The following STX4 variants were observed in gnomAD, a reference collection of about 807,000 sequenced individuals.
The protein encoded by STX4 is syntaxin 4.
A neutral mutation model predicts 41.8 loss-of-function variants in STX4; 24 were observed. The ratio of observed to expected loss-of-function variants is 0.57; its 90% CI spans 0.42 to 0.81. STX4 has a LOEUF of 0.81. Ranked by LOEUF, STX4 falls within the 30% of genes least tolerant of loss-of-function variation. The pLI, the probability that STX4 is intolerant of heterozygous loss-of-function variation, is 0.00. For missense variants in STX4, 316 were observed against 389.9 expected (o/e 0.81, Z 1.60); for synonymous variants, 158 against 156.4 (o/e 1.01, Z -0.08).
Position 31,033,835 on chromosome 16 carries a change from G to A in STX4, c.30G>A (p.Gln10=). MRDRTHELR[Q]GDDSSDEEDK... ...GGGACAGGACCCACGAGCTGAGACA[G>A]GTGAGACGCCAGGGCAGCGGGGATG... The change falls in exon 1 of 11, where the codon CAG becomes CAA. Residue 10 remains glutamine (Q), a splice_region_variant and synonymous_variant. Coordinates refer to ENST00000313843, the MANE Select transcript of STX4 (RefSeq NM_004604.5). This position sits in a 1 kb window ranked among gnomAD's most constrained non-coding sequence, Gnocchi z 5.5. 1 of 1,453,724 alleles carries A rather than the reference G, an allele frequency of 6.9e-7. No individual in the cohort carries two copies. Among genetic ancestry groups the A allele is most frequent in the Non-Finnish European group, 9.1e-7 (1 of 1,100,002 alleles). 90.1% of individuals were successfully genotyped at this position (1,453,724 alleles called of 1,614,324 possible). A position where few individuals can be genotyped will look rare whatever the true frequency, so the allele number is the denominator to read the frequency against.
rs1347477537 is a variant in STX4 at position 31,033,886 on chromosome 16, A to G, written c.30+51A>G. 1 of 1,453,590 alleles carries G rather than the reference A, an allele frequency of 6.9e-7. No individual in the cohort carries two copies. Among genetic ancestry groups the G allele is most frequent in the Admixed American group, 2.9e-5 (1 of 34,718 alleles). 90.0% of individuals were successfully genotyped at this position (1,453,590 alleles called of 1,614,324 possible). A position where few individuals can be genotyped will look rare whatever the true frequency, so the allele number is the denominator to read the frequency against. ...GGGACGGGCGGACGAACTGGAACGC[A>G]GGACTTCTGGTCTTCGGGATAGGGA... On this transcript the variant is annotated intron_variant, in intron 1 of 10. Transcript: ENST00000313843. The surrounding 1 kb of genome is among the most constrained non-coding windows in gnomAD (Gnocchi z 5.5).
chr16:31,037,633 C>G (rs1407011761), intron 5 of STX4, among the ~76,000 whole-genome samples: 2 of 151,170 alleles, frequency 1.3e-5, no homozygotes, highest in Non-Finnish European at 2.9e-5. Flanking sequence ...GCACTCCAGC[C>G]TGGGCAACAA....
chr16:31,038,233 C>G, intron 7 of STX4, 43 bp downstream of exon 7: 1 of 1,608,232 alleles, frequency 6.2e-7, no homozygotes, highest in Non-Finnish European at 8.5e-7. Context: ...GCCTCCCATC[C>G]CCTCTGAGTC....
chr16:31,033,740 G>A lies in STX4; in HGVS notation c.-66G>A. 6.9e-7 allele frequency: 1 copy of A among 1,452,856 alleles called. No individual in the cohort carries two copies. The highest frequency in any genetic ancestry group is 9.1e-7 in the Non-Finnish European group (1 of 1,102,258). The allele number at this position is 1,452,856 out of a possible 1,614,324, so 90.0% of individuals were successfully genotyped here. A position where few individuals can be genotyped will look rare whatever the true frequency, so the allele number is the denominator to read the frequency against. On this transcript the variant is annotated 5_prime_UTR_variant, in exon 1 of 11. Coordinates refer to ENST00000313843, the MANE Select transcript of STX4 (RefSeq NM_004604.5). This position sits in a 1 kb window ranked among gnomAD's most constrained non-coding sequence, Gnocchi z 5.5. Reference sequence around the variant, plus strand: ...GAGGGGAGTGTCAGAGTGTGAGCGGGGTACGGGAATTCCAAATTTGAGGGC... The same window carrying A: ...GAGGGGAGTGTCAGAGTGTGAGCGGAGTACGGGAATTCCAAATTTGAGGGC...
chr16:31,034,383 A>G, intron 3 of STX4, 58 bp downstream of exon 3: 2 of 1,610,466 alleles, frequency 1.2e-6, no homozygotes, highest in Non-Finnish European at 8.5e-7. Context: ...TGGGGGTTGT[A>G]GTTCCACGCA....
At chr16:31,034,703 A>T in intron 4 of STX4, 167 bp downstream of exon 4, 1 of 783,950 alleles carries the variant, frequency 1.3e-6, no homozygotes, top group Non-Finnish European at 2.0e-6. Flanking sequence ...TCTCCACAGC[A>T]CAAGTCCGCC....
At chr16:31,033,339 G>C (rs922002946), upstream of STX4, 2 of 791,598 alleles carry the variant, frequency 2.5e-6, no homozygotes, top group Non-Finnish European at 4.4e-6. The surrounding 1 kb of genome is among the most constrained non-coding windows in gnomAD (Gnocchi z 5.5). Flanking sequence ...TGAGATGCGG[G>C]TGTCTCGGAT....
At position 31,033,570 on chromosome 16, in the gene STX4, G is replaced by C. The variant is rs1364309511; in HGVS notation, c.-236G>C. 6.5e-7 allele frequency: 1 copy of C among 1,542,016 alleles called. No homozygotes were observed. The highest frequency in any genetic ancestry group is 2.5e-5 in the East Asian group (1 of 40,730). On this transcript the variant is annotated 5_prime_UTR_variant, in exon 1 of 11. Coordinates refer to ENST00000313843, the MANE Select transcript of STX4 (RefSeq NM_004604.5). The surrounding 1 kb of genome is among the most constrained non-coding windows in gnomAD (Gnocchi z 5.5). ...ACGGAGGGGCGGGGCTGAGGCTGCGGGAGCTGGAGCGGGGAAGAAAAGGGA... is the reference window on the plus strand; with the variant it reads ...ACGGAGGGGCGGGGCTGAGGCTGCGCGAGCTGGAGCGGGGAAGAAAAGGGA...
chr16:31,034,898 T>A (rs2056787763), intron 4 of STX4, 72 bp from the exon 5 acceptor site: 1 of 1,342,342 alleles, frequency 7.4e-7, no homozygotes, highest in African/African-American at 1.5e-5. Context: ...CTTAGTCATT[T>A]TATGATAAAT....
rs770229721 is a variant in STX4, at chr16:31,039,540, G to T, written c.703-1G>T. On this transcript the variant is annotated splice_acceptor_variant, in intron 8 of 10. Transcript: ENST00000313843. LOFTEE classifies it high-confidence loss of function. The surrounding 1 kb of genome is among the most constrained non-coding windows in gnomAD (Gnocchi z 4.1). Reference sequence around the variant, plus strand: ...CCTGAACCACCCCATCCTCTGAGCAGGGGGAGATGATCAATCGGATTGAGA... The same window carrying T: ...CCTGAACCACCCCATCCTCTGAGCATGGGGAGATGATCAATCGGATTGAGA... 6.2e-7 allele frequency: 1 copy of T among 1,613,742 alleles called. No individual in the cohort carries two copies. Among genetic ancestry groups the T allele is most frequent in the East Asian group, 2.2e-5 (1 of 44,898 alleles).
intron 4 of STX4, 92 bp from the exon 5 acceptor site, chr16:31,034,878 G>A (rs2056787615): frequency 5.1e-6 from 6 of 1,182,910 alleles, no homozygotes; most frequent in Non-Finnish European, 5.9e-6. Context: ...TCTCCTCTTA[G>A]AGGCTCAGCC....
intron 5 of STX4, 45 bp from the exon 6 acceptor site, chr16:31,037,881 C>T: frequency 1.2e-6 from 2 of 1,607,388 alleles, no homozygotes; most frequent in Non-Finnish European, 1.7e-6. Flanking sequence ...ACCGACCGGG[C>T]AGGGATCCTC....
Position 31,039,480 on chromosome 16 carries a change from A to C in STX4, c.703-61A>C. 1 of 1,547,410 alleles carries C rather than the reference A, an allele frequency of 6.5e-7. No homozygotes were observed. The highest frequency in any genetic ancestry group is 1.4e-5 in the African/African-American group (1 of 73,582). On this transcript the variant is annotated intron_variant, in intron 8 of 10. Transcript: ENST00000313843. This position sits in a 1 kb window ranked among gnomAD's most constrained non-coding sequence, Gnocchi z 4.1. ...TTCCTGCCAGGAATGTTCTTCAGTC[A>C]TCTGGGGTGGGGTGGGCAAAGGCAT...
At chr16:31,034,650 G>T in intron 4 of STX4, 114 bp downstream of exon 4, 1 of 1,220,908 alleles carries the variant, frequency 8.2e-7, no homozygotes, top group Non-Finnish European at 1.1e-6. Flanking sequence ...CACACAGCAG[G>T]CCTGGGTCTA....
Position 31,039,846 on chromosome 16 carries a change from C to T in STX4, c.*15+28C>T. On this transcript the variant is annotated intron_variant, in intron 10 of 10. Transcript: ENST00000313843. This position sits in a 1 kb window ranked among gnomAD's most constrained non-coding sequence, Gnocchi z 4.1. ...GAGATGTTGTGGGCTGCCCCCTGGCCTGCCCCAGCCCTGGCCCCAGCCCTC... is the reference window on the plus strand; with the variant it reads ...GAGATGTTGTGGGCTGCCCCCTGGCTTGCCCCAGCCCTGGCCCCAGCCCTC... 1.5e-5 allele frequency: 24 copies of T among 1,609,288 alleles called. No homozygotes were observed. The highest frequency in any genetic ancestry group is 2.0e-5 in the Non-Finnish European group (24 of 1,175,830).
In STX4 at chr16:31,035,045, GTTTT is replaced by G; in HGVS notation, c.378+10_378+13del. On this transcript the variant is annotated splice_donor_region_variant and intron_variant, in intron 5 of 10. Transcript: ENST00000313843. ...ACAAGAATGAGAAAAACCCAGGTGG[GTTTT>G]TTTTCTCAGAAATGAGGACATTTCA... 1.3e-6 allele frequency: 2 copies of G among 1,597,016 alleles called. No individual in the cohort carries two copies. The highest frequency in any genetic ancestry group is 1.7e-6 in the Non-Finnish European group (2 of 1,174,780).
At chr16:31,036,401 A>C (rs2056799755) in intron 5 of STX4, among the ~76,000 whole-genome samples, 1 of 152,144 alleles carries the variant, frequency 6.6e-6, no homozygotes, top group South Asian at 2.1e-4. Flanking sequence ...TTGAGGGTCC[A>C]TGTGGGCCTG....
upstream of STX4, chr16:31,033,429 A>G (rs1461300871): frequency 1.3e-6 from 2 of 1,490,000 alleles, no homozygotes; most frequent in East Asian, 4.9e-5. This position sits in a 1 kb window ranked among gnomAD's most constrained non-coding sequence, Gnocchi z 5.5. Context: ...TGACGGTAGC[A>G]AGTTCTCGCG....
chr16:31,033,423 G>T (rs749435941), upstream of STX4: 22 of 1,456,810 alleles, frequency 1.5e-5, no homozygotes, highest in South Asian at 2.7e-4. The surrounding 1 kb of genome is among the most constrained non-coding windows in gnomAD (Gnocchi z 5.5). Context: ...TTCCGGTGAC[G>T]GTAGCAAGTT....
Sources: gnomAD v4.1 joint callset for allele counts (sites outside exome capture counted in the v4.1 genomes callset) on GRCh38, gnomAD v4.1.1 for gene constraint, Gnocchi (gnomAD v3.1) non-coding constraint, MANE v1.5 for transcripts, NCBI Gene and HGNC (gene_info 2026-07-23, HGNC 2026-07-21) for gene names.